Variants in RHOBTB3 observed in about 807,000 individuals in gnomAD.
The protein encoded by RHOBTB3 is rho-related BTB domain-containing protein 3.
RHOBTB3 carries 47 observed loss-of-function variants against 67.2 expected under a neutral mutation model. That is an observed-to-expected ratio of 0.70 (90% CI 0.55 to 0.89). RHOBTB3 has a LOEUF of 0.89. Among genes scored for constraint, RHOBTB3 ranks in the 40% least tolerant of loss-of-function variants. RHOBTB3 has a pLI of 0.00. For synonymous variants in RHOBTB3, 273 were observed against 274.2 expected (o/e 1.00, Z 0.04); for missense variants, 631 against 750.0 (o/e 0.84, Z 1.85).
chr5:95,782,792 A>G (rs1322039103), intron 9 of RHOBTB3: 1 of 147,330 alleles, frequency 6.8e-6, no homozygotes, highest in Non-Finnish European at 1.5e-5. Context: ...CCTGGACGAC[A>G]GAGTGAGACT....
intron 3 of RHOBTB3, among the ~76,000 whole-genome samples, chr5:95,743,512 G>C (rs147879705): frequency 1.3e-5 from 2 of 151,896 alleles, no homozygotes; most frequent in Admixed American, 6.6e-5. Context: ...AGGCCTCTTC[G>C]GTCCTGTACT....
chr5:95,749,749 T>C (rs1405465256), intron 4 of RHOBTB3, among the ~76,000 whole-genome samples: 1 of 152,190 alleles, frequency 6.6e-6, no homozygotes, highest in Non-Finnish European at 1.5e-5. Context: ...TGTCAGATAG[T>C]TTTATGCACT....
chr5:95,773,548 A>C (rs1745782024), intron 8 of RHOBTB3, among the ~76,000 whole-genome samples: 1 of 152,234 alleles, frequency 6.6e-6, no homozygotes, highest in Non-Finnish European at 1.5e-5. Context: ...GTCTGTGGGC[A>C]AGTCACCTGA....
At chr5:95,784,202 CTAAA>C (rs1746152262) in intron 10 of RHOBTB3, among the ~76,000 whole-genome samples, 3 of 152,202 alleles carry the variant, frequency 2.0e-5, no homozygotes, top group African/African-American at 7.2e-5. Flanking sequence ...ATTTTTTTAA[CTAAA>C]TAGTGGCCCT....
chr5:95,759,188 CCTGACA>C (rs1460922855), intron 6 of RHOBTB3, among the ~76,000 whole-genome samples: 3 of 152,242 alleles, frequency 2.0e-5, no homozygotes, highest in Non-Finnish European at 4.4e-5. Context: ...GGCTTCTTAA[CCTGACA>C]CTGACCCGTC....
At position 95,755,415 on chromosome 5, in the gene RHOBTB3, G is replaced by C. The variant is rs527633862; in HGVS notation, c.702G>C (p.Lys234Asn). 42 of 1,569,848 alleles carry C rather than the reference G, an allele frequency of 2.7e-5. No homozygotes were observed. Among genetic ancestry groups the C allele is most frequent in the Non-Finnish European group, 3.6e-5 (42 of 1,160,002 alleles). Reference protein sequence around the residue: ...LEQPEKMPVLKAEASHYNSDL... With the variant: ...LEQPEKMPVLNAEASHYNSDL... ...AAACAGAAAAAATGCCTGTCTTAAA[G>C]GCTGAAGCGTCACATTATAACTCTG... The change falls in exon 6 of 12, where the codon AAG becomes AAC. Residue 234 changes from lysine (K) to asparagine (N), a missense_variant. Lys to Asn is a moderately conservative substitution (Grantham distance 94). Transcript: ENST00000379982.
At chr5:95,754,438 T>C (rs1414189454) in intron 5 of RHOBTB3, among the ~76,000 whole-genome samples, 1 of 152,200 alleles carries the variant, frequency 6.6e-6, no homozygotes, top group East Asian at 1.9e-4. Context: ...GAGCCTGGCC[T>C]CCAAAGGACT....
intron 2 of RHOBTB3, among the ~76,000 whole-genome samples, chr5:95,732,964 T>C (rs941339858): frequency 6.6e-6 from 1 of 152,188 alleles, no homozygotes; most frequent in Non-Finnish European, 1.5e-5. Flanking sequence ...CAGAAGAAAG[T>C]TTAGTGCCTG....
At chr5:95,765,404 A>G (rs189525488) in intron 7 of RHOBTB3, among the ~76,000 whole-genome samples, 1 of 152,194 alleles carries the variant, frequency 6.6e-6, no homozygotes, top group African/African-American at 2.4e-5. Context: ...TATTGCGCTG[A>G]ATTCCCTCCT....
chr5:95,783,251 A>G (rs1746113363), intron 9 of RHOBTB3, among the ~76,000 whole-genome samples: 1 of 151,588 alleles, frequency 6.6e-6, no homozygotes, highest in South Asian at 2.1e-4. Context: ...CCTCCCCAGT[A>G]GCTGGGACTA....
At chr5:95,755,036 C>A (rs145676490) in intron 5 of RHOBTB3, among the ~76,000 whole-genome samples, 1 of 152,028 alleles carries the variant, frequency 6.6e-6, no homozygotes, top group Non-Finnish European at 1.5e-5. Flanking sequence ...CAGTATTTGG[C>A]GGCTTGTTTT....
intron 1 of RHOBTB3, among the ~76,000 whole-genome samples, chr5:95,725,579 A>C (rs1755029716): frequency 6.6e-6 from 1 of 152,228 alleles, no homozygotes; most frequent in Non-Finnish European, 1.5e-5. Context: ...TTATTTATTA[A>C]ATCATCTGCA....
In RHOBTB3 at chr5:95,752,260, G is replaced by A. The variant is rs771337735; in HGVS notation, c.592G>A (p.Ala198Thr). Reference protein sequence around the residue: ...GGVLEYFMIQALNQKTSEKMK... With the variant: ...GGVLEYFMIQTLNQKTSEKMK... Reference sequence around the variant, plus strand: ...TTAGTTGGAGTATTTTATGATTCAAGCCTTAAATCAGAAGACAAGTGAAAA... The same window carrying A: ...TTAGTTGGAGTATTTTATGATTCAAACCTTAAATCAGAAGACAAGTGAAAA... The change falls in exon 5 of 12, where the codon GCC becomes ACC. Residue 198 changes from alanine to threonine, a missense_variant. Ala to Thr is a moderately conservative substitution (Grantham distance 58, BLOSUM62 0). Transcript: ENST00000379982. 1.3e-6 allele frequency: 2 copies of A among 1,593,984 alleles called. No homozygotes were observed. The highest frequency in any genetic ancestry group is 8.6e-7 in the Non-Finnish European group (1 of 1,168,358).
chr5:95,758,353 A>G (rs889919361), intron 6 of RHOBTB3, among the ~76,000 whole-genome samples: 3 of 152,200 alleles, frequency 2.0e-5, no homozygotes, highest in African/African-American at 7.2e-5. Context: ...AAAGAGATTA[A>G]TATTCTGGGG....
chr5:95,736,128 A>G (rs2548128), intron 2 of RHOBTB3, among the ~76,000 whole-genome samples: 47,556 of 152,158 alleles, frequency 0.31, 7,801 homozygotes, highest in East Asian at 0.62. Flanking sequence ...TAGTGTTTGT[A>G]ATAAATTACT....
In RHOBTB3 at chr5:95,778,401, T is replaced by G. The variant is rs1392423279; in HGVS notation, c.1283-1851T>G. Reference sequence around the variant, plus strand: ...GTATATGTTCAATACAGTTGCAGGGTTTTTTTTTTTTTCTGAATATTTTCC... The same window carrying G: ...GTATATGTTCAATACAGTTGCAGGGGTTTTTTTTTTTTCTGAATATTTTCC... On this transcript the variant is annotated intron_variant, in intron 8 of 11. Coordinates refer to ENST00000379982, the MANE Select transcript of RHOBTB3 (RefSeq NM_014899.4). 5.2e-5 allele frequency among the ~76,000 whole-genome samples: 7 copies of G among 134,742 alleles called. No homozygotes were observed. In the East Asian group the frequency reaches 1.0e-3, roughly 20 times the overall value. 88.4% of individuals were successfully genotyped at this position (134,742 alleles called of 152,430 possible).
Position 95,722,500 on chromosome 5 carries a change from T to C in RHOBTB3, n.133+4735T>C, listed in dbSNP as rs188478498. 3.8e-3 allele frequency among the ~76,000 whole-genome samples: 569 copies of C among 150,098 alleles called. 3 individuals carry two copies. Among genetic ancestry groups the C allele is most frequent in the African/African-American group, 0.013 (519 of 41,002 alleles). ...TGGTATTTTATAATGTAAAAGAGGTTTTTTTTTTGAGATGGAGTCTCGCTC... is the reference window on the plus strand; with the variant it reads ...TGGTATTTTATAATGTAAAAGAGGTCTTTTTTTTGAGATGGAGTCTCGCTC... On this transcript the variant is annotated intron_variant and non_coding_transcript_variant, in intron 1 of 5. Coordinates refer to the RHOBTB3 transcript ENST00000504949.
chr5:95,747,663 C>A lies in RHOBTB3; in HGVS notation c.416-670C>A, dbSNP rs183983229. On this transcript the variant is annotated intron_variant, in intron 3 of 11. Transcript: ENST00000379982. ...GTACAACTGTGAATTTTGGGACTTT[C>A]ACTTTTTGAGTTAATCCTTTTTATT... is the stretch of plus-strand genomic sequence containing the variant. 1.1e-4 allele frequency among the ~76,000 whole-genome samples: 17 copies of A among 152,316 alleles called. 1 individual carries two copies. Among genetic ancestry groups the A allele is most frequent in the African/African-American group, 4.1e-4 (17 of 41,566 alleles).
chr5:95,749,531 T>C (rs1745029964), intron 4 of RHOBTB3, among the ~76,000 whole-genome samples: 1 of 152,240 alleles, frequency 6.6e-6, no homozygotes, highest in Non-Finnish European at 1.5e-5. Context: ...TATCGATGAC[T>C]GTGAGAAACT....
Sources: allele counts gnomAD v4.1 joint callset (sites outside exome capture counted in the v4.1 genomes callset), GRCh38; gene constraint gnomAD v4.1.1; transcripts MANE v1.5; gene names NCBI Gene and HGNC (gene_info 2026-07-23, HGNC 2026-07-21).